Variants in SNRPN observed in about 807,000 individuals in gnomAD.
SNRPN encodes the protein small nuclear ribonucleoprotein-associated protein N.
SNRPN carries 7 observed loss-of-function variants against 25.2 expected under a neutral mutation model. The ratio of observed to expected loss-of-function variants is 0.28; its 90% CI spans 0.16 to 0.52. The LOEUF (loss-of-function observed/expected upper bound fraction) is 0.52. Among genes scored for constraint, SNRPN ranks in the 20% least tolerant of loss-of-function variants. The probability of loss-of-function intolerance (pLI) is 0.96; values close to 1 mark genes in which losing one functional copy is unlikely to be tolerated. For missense variants in SNRPN, 196 were observed against 322.5 expected (o/e 0.61, Z 3.00); for synonymous variants, 124 against 110.6 (o/e 1.12, Z -0.76).
In SNRPN at chr15:24,977,004, G is replaced by A. The variant is rs1451229541; in HGVS notation, c.395G>A (p.Arg132Gln). The part of the protein sequence containing the change: ...QAPAGLAGPV[R>Q]GVGGPSQQVM... Reference sequence around the variant, plus strand: ...CCTGCTGGATTGGCAGGCCCTGTCCGAGGAGTTGGGGGACCATCCCAGCAG... The same window carrying A: ...CCTGCTGGATTGGCAGGCCCTGTCCAAGGAGTTGGGGGACCATCCCAGCAG... Residue 132 changes from arginine (R) to glutamine (Q), a missense_variant, in exon 7 of 10, where the codon CGA becomes CAA. Physicochemically the swap from Arg to Gln is conservative, Grantham distance 43. Transcript: ENST00000390687. The A allele has an allele frequency of 1.9e-6, 3 of 1,592,034 alleles. No homozygotes were observed. Among genetic ancestry groups the A allele is most frequent in the Non-Finnish European group, 2.6e-6 (3 of 1,170,118 alleles).
chr15:24,902,665 C>A (rs1306473708), intron 2 of SNRPN, among the ~76,000 whole-genome samples: 1 of 152,196 alleles, frequency 6.6e-6, no homozygotes, highest in Non-Finnish European at 1.5e-5. Flanking sequence ...TTGCTGACTT[C>A]AGGAGTGAAG....
rs149406012 is a variant in SNRPN, at chr15:24,866,486, C to T, written c.-579+9770C>T. Among the ~76,000 whole-genome samples the T allele has an allele frequency of 1.2e-4, 19 of 152,240 alleles. No homozygotes were observed. The East Asian group carries it at 2.9e-3, about 23-fold the overall frequency. On this transcript the variant is annotated intron_variant, in intron 1 of 11. Transcript: ENST00000400097. ...GATCACAGCTCACTGCAGTGTAGAC[C>T]TCCTGAGCTCAAGCAATCCTCCTGC...
At chr15:24,882,674 A>C (rs2056809109) in intron 1 of SNRPN, among the ~76,000 whole-genome samples, 1 of 151,818 alleles carries the variant, frequency 6.6e-6, no homozygotes, top group Non-Finnish European at 1.5e-5. Flanking sequence ...AAAATACAAA[A>C]ATTAGCTGGG....
intron 2 of SNRPN, among the ~76,000 whole-genome samples, chr15:24,831,065 T>C (rs1196837523): frequency 6.6e-6 from 1 of 152,016 alleles, no homozygotes; most frequent in East Asian, 1.9e-4. Context: ...CTATTTCTTA[T>C]TGTGGTTTTA....
At chr15:24,931,103 G>C (rs994411938) in intron 3 of SNRPN, among the ~76,000 whole-genome samples, 2 of 152,096 alleles carry the variant, frequency 1.3e-5, no homozygotes, top group African/African-American at 4.8e-5. Context: ...TTCTAGTTGA[G>C]AGTACGTTAC....
chr15:24,908,981 G>C, intron 2 of SNRPN: 1 of 1,400,150 alleles, frequency 7.1e-7, no homozygotes, highest in Admixed American at 1.7e-5. Flanking sequence ...ATTCTTTTGA[G>C]CTACCCAATC....
chr15:24,858,363 A>G (rs957031523), intron 1 of SNRPN, among the ~76,000 whole-genome samples: 1 of 152,124 alleles, frequency 6.6e-6, no homozygotes, highest in Non-Finnish European at 1.5e-5. Flanking sequence ...GATCTCTTTC[A>G]CTGTAATAAT....
chr15:24,960,940 C>A (rs1293848632), intron 1 of SNRPN, among the ~76,000 whole-genome samples: 1 of 152,096 alleles, frequency 6.6e-6, no homozygotes, highest in Non-Finnish European at 1.5e-5. Flanking sequence ...CTTTGCCTCT[C>A]CCTACCTTCT....
chr15:24,891,296 A>G (rs940104650), intron 2 of SNRPN, among the ~76,000 whole-genome samples: 1 of 152,142 alleles, frequency 6.6e-6, no homozygotes, highest in Non-Finnish European at 1.5e-5. Flanking sequence ...GTGAACTTAA[A>G]ATAATATTCG....
intron 2 of SNRPN, among the ~76,000 whole-genome samples, chr15:24,910,432 A>G (rs141468278): frequency 1.3e-5 from 2 of 152,272 alleles, no homozygotes; most frequent in Non-Finnish European, 2.9e-5. Flanking sequence ...GCAGTGAGCT[A>G]TGATCGTACC....
At chr15:24,893,187 G>A (rs1220647520) in intron 2 of SNRPN, among the ~76,000 whole-genome samples, 1 of 151,824 alleles carries the variant, frequency 6.6e-6, no homozygotes, top group African/African-American at 2.4e-5. Context: ...CAGCCTGGGT[G>A]ACAGAGTGAG....
At chr15:24,862,234 G>A (rs542369865) in intron 1 of SNRPN, among the ~76,000 whole-genome samples, 8 of 151,166 alleles carry the variant, frequency 5.3e-5, no homozygotes, top group East Asian at 1.9e-4. Flanking sequence ...TAATGTAAGC[G>A]AATTTTAGAG....
In SNRPN at chr15:24,962,150, C is replaced by T. The variant is rs768170160; in HGVS notation, c.-354C>T. 13 of 1,613,994 alleles carry T rather than the reference C, an allele frequency of 8.1e-6. No individual in the cohort carries two copies. The highest frequency in any genetic ancestry group is 1.7e-5 in the Admixed American group (1 of 59,992). On this transcript the variant is annotated 5_prime_UTR_variant, in exon 2 of 10. It adds an upstream start codon to the 5' untranslated region. Coordinates refer to ENST00000390687, the MANE Select transcript of SNRPN (RefSeq NM_003097.6). ...ACCTGAGACGAACTACAGAACAGCA[C>T]GTACCAGAGGTGGAAGTCCAAGTCA...
intron 1 of SNRPN, among the ~76,000 whole-genome samples, chr15:24,879,624 G>A (rs2056387607): frequency 6.6e-6 from 1 of 152,184 alleles, no homozygotes; most frequent in Non-Finnish European, 1.5e-5. Flanking sequence ...CAGAGACCAT[G>A]TCTGTCACCC....
At chr15:24,904,657 GA>G (rs869182715) in intron 2 of SNRPN, among the ~76,000 whole-genome samples, 4 of 113,052 alleles carry the variant, frequency 3.5e-5, no homozygotes, top group Admixed American at 8.9e-5. Flanking sequence ...TCCCTCTTGG[GA>G]AAAAGAAAAG....
chr15:24,838,061 G>GTC (rs2051373415), intron 2 of SNRPN, among the ~76,000 whole-genome samples: 1 of 142,028 alleles, frequency 7.0e-6, no homozygotes, highest in African/African-American at 2.6e-5. Flanking sequence ...TTGAGACGGA[G>GTC]TCTCGCTCTG....
Position 24,972,113 on chromosome 15 carries a change from G to A in SNRPN, c.-143-2198G>A, listed in dbSNP as rs147631392. Among the ~76,000 whole-genome samples the A allele has an allele frequency of 5.4e-3, 820 of 152,044 alleles. 11 individuals are homozygous for A. The highest frequency in any genetic ancestry group is 0.039 in the Admixed American group (599 of 15,242). ...TCTGCTAAAAATACAAAAATTAGCC[G>A]GGTGTGGTGGCGGGCGCCTGTAATC... is the stretch of plus-strand genomic sequence containing the variant. On this transcript the variant is annotated intron_variant, in intron 3 of 9. Coordinates refer to ENST00000390687, the MANE Select transcript of SNRPN (RefSeq NM_003097.6).
chr15:24,861,211 A>G (rs1013304601), intron 1 of SNRPN, among the ~76,000 whole-genome samples: 1 of 152,328 alleles, frequency 6.6e-6, no homozygotes, highest in East Asian at 1.9e-4. Flanking sequence ...TGGTGATTTC[A>G]TCTCTGTGCA....
At chr15:24,925,469 G>A (rs369459494) in intron 3 of SNRPN, among the ~76,000 whole-genome samples, 5 of 151,824 alleles carry the variant, frequency 3.3e-5, no homozygotes, top group East Asian at 1.9e-4. Flanking sequence ...GTATGATTGC[G>A]TCCCCCTACC....
Sources: allele counts gnomAD v4.1 joint callset (sites outside exome capture counted in the v4.1 genomes callset), GRCh38; gene constraint gnomAD v4.1.1; transcripts MANE v1.5; gene names NCBI Gene and HGNC (gene_info 2026-07-23, HGNC 2026-07-21).